YAE1: variants seen among roughly 807,000 people sequenced by gnomAD.
YAE1 encodes protein YAE1 homolog.
In YAE1, 22 loss-of-function variants were observed where a neutral mutation model predicts 23.0. The ratio of observed to expected loss-of-function variants is 0.96; its 90% CI spans 0.68 to 1.37. The LOEUF (loss-of-function observed/expected upper bound fraction) is 1.37. Among genes scored for constraint, YAE1 ranks in the 40% most tolerant of loss-of-function variants. The pLI is 0.00. For missense variants in YAE1, 260 were observed against 262.1 expected, an observed-to-expected ratio of 0.99 and a Z score of 0.06; for synonymous variants, 101 against 97.0, an observed-to-expected ratio of 1.04 and a Z score of -0.24.
intron 1 of YAE1, among the ~76,000 whole-genome samples, chr7:39,567,754 A>T (rs1279425910): frequency 6.6e-6 from 1 of 152,206 alleles, no homozygotes; most frequent in Non-Finnish European, 1.5e-5. Context: ...CCTTTAAAGA[A>T]AACTTGTACA....
chr7:39,610,214 T>A lies in YAE1; in HGVS notation c.*228T>A, dbSNP rs1051092891. The stretch of plus-strand genomic sequence containing the variant: ...AACTAGCAGAGCAATACGAGTCGTT[T>A]GTGAAATTCACACATGAGCAGATTA... On this transcript the variant is annotated 3_prime_UTR_variant, in exon 3 of 3. Coordinates refer to the YAE1 transcript ENST00000432096. The A allele has an allele frequency of 2.2e-4, 133 of 608,912 alleles. 1 individual carries two copies. The highest frequency in any genetic ancestry group is 7.4e-4 in the Middle Eastern group (2 of 2,704). The allele number at this position is 608,912 out of a possible 1,614,324, so 37.7% of individuals were successfully genotyped here.
In YAE1 at chr7:39,566,728, C is replaced by T. The variant is rs548271079; in HGVS notation, c.129+181C>T. 7.0e-6 allele frequency: 6 copies of T among 854,402 alleles called. 1 individual carries two copies. The South Asian group carries it at 1.1e-4, about 16-fold the overall frequency. 52.9% of individuals were successfully genotyped at this position (854,402 alleles called of 1,614,324 possible). ...GGTTACTTGAAAGCGTGTAAAACAA[C>T]AAGACGCATTCTTTGAGCGCCTACG... is the stretch of plus-strand genomic sequence containing the variant. On this transcript the variant is annotated intron_variant, in intron 1 of 2. Coordinates refer to ENST00000223273, the MANE Select transcript of YAE1 (RefSeq NM_020192.5).
chr7:39,598,173 G>A (rs766071116), intron 2 of YAE1, among the ~76,000 whole-genome samples: 1 of 151,826 alleles, frequency 6.6e-6, no homozygotes, highest in Admixed American at 6.6e-5. Context: ...ACAGTGGCAC[G>A]ATCTTAGCTC....
At chr7:39,595,165 G>T (rs1238455310) in intron 2 of YAE1, among the ~76,000 whole-genome samples, 3 of 151,854 alleles carry the variant, frequency 2.0e-5, no homozygotes, top group Non-Finnish European at 4.4e-5. Flanking sequence ...ACTTCTGCTT[G>T]TTCTGATTTA....
At chr7:39,596,289 A>G (rs60565944) in intron 2 of YAE1, among the ~76,000 whole-genome samples, 17,296 of 152,070 alleles carry the variant, frequency 0.11, 2,456 homozygotes, top group African/African-American at 0.33. Context: ...CCGCCTACCA[A>G]TTGAACCAAT....
At chr7:39,610,967 G>T (rs915366292), downstream of YAE1, among the ~76,000 whole-genome samples, 1 of 152,048 alleles carries the variant, frequency 6.6e-6, no homozygotes, top group Admixed American at 6.6e-5. Flanking sequence ...GGCCAACGTG[G>T]AGAAACCCTG....
chr7:39,603,011 A>C (rs1380870544), intron 2 of YAE1, among the ~76,000 whole-genome samples: 1 of 152,212 alleles, frequency 6.6e-6, no homozygotes, highest in Non-Finnish European at 1.5e-5. Flanking sequence ...GGCCTTCCAA[A>C]GTGCTGGGAT....
chr7:39,583,039 G>A (rs989076177), intron 2 of YAE1, among the ~76,000 whole-genome samples: 4 of 152,132 alleles, frequency 2.6e-5, no homozygotes, highest in Admixed American at 6.5e-5. Context: ...AACTTGCAGC[G>A]CAAAGCTATT....
chr7:39,569,472 A>G (rs1790531343), intron 1 of YAE1: 2 of 495,674 alleles, frequency 4.0e-6, no homozygotes, highest in Admixed American at 2.5e-5. Context: ...TTCTTCTGAA[A>G]CATCTTCTTT....
chr7:39,611,234 T>C (rs983244752), downstream of YAE1, among the ~76,000 whole-genome samples: 4 of 151,892 alleles, frequency 2.6e-5, no homozygotes, highest in African/African-American at 9.7e-5. Flanking sequence ...TACAAATACA[T>C]AGTGAGAAAT....
At chr7:39,601,384 A>C (rs940846830) in intron 2 of YAE1, among the ~76,000 whole-genome samples, 1 of 152,230 alleles carries the variant, frequency 6.6e-6, no homozygotes, top group Non-Finnish European at 1.5e-5. Context: ...TTTACAGGGC[A>C]GCTAACACAA....
intron 2 of YAE1, among the ~76,000 whole-genome samples, chr7:39,602,551 G>A (rs1448397216): frequency 6.6e-6 from 1 of 152,160 alleles, no homozygotes; most frequent in Non-Finnish European, 1.5e-5. Context: ...GAGCATTCTT[G>A]TCTATCATAG....
chr7:39,589,684 T>C (rs989143234), intron 2 of YAE1, among the ~76,000 whole-genome samples: 4 of 152,230 alleles, frequency 2.6e-5, no homozygotes, highest in African/African-American at 9.6e-5. Flanking sequence ...TGAGCTTTTG[T>C]GCTTTCCGTA....
intron 2 of YAE1, among the ~76,000 whole-genome samples, chr7:39,586,891 T>A (rs1790825997): frequency 6.6e-6 from 1 of 152,180 alleles, no homozygotes; most frequent in African/African-American, 2.4e-5. Context: ...ACAGATGAGA[T>A]GATAGACGTG....
chr7:39,588,050 C>T (rs538758688), intron 2 of YAE1, among the ~76,000 whole-genome samples: 1 of 152,280 alleles, frequency 6.6e-6, no homozygotes, highest in East Asian at 1.9e-4. Flanking sequence ...GCTCCCAACC[C>T]CTATATAGTT....
chr7:39,578,840 T>TA (rs1178549858), intron 2 of YAE1, among the ~76,000 whole-genome samples: 2 of 152,242 alleles, frequency 1.3e-5, no homozygotes, highest in Non-Finnish European at 2.9e-5. Context: ...GCTAAACAGT[T>TA]ACGTTAATAT....
chr7:39,570,998 A>G (rs936610007), intron 2 of YAE1: 1 of 163,804 alleles, frequency 6.1e-6, no homozygotes, highest in African/African-American at 2.4e-5. Flanking sequence ...AATTAAGATA[A>G]AATTGATTTA....
chr7:39,570,789 C>G (rs745497293), intron 2 of YAE1, 162 bp downstream of exon 2: 4 of 811,608 alleles, frequency 4.9e-6, no homozygotes, highest in Admixed American at 7.5e-5. Context: ...AAGTCAAAAT[C>G]TTTATCAGCT....
intron 2 of YAE1, among the ~76,000 whole-genome samples, chr7:39,597,714 C>T (rs565454930): frequency 2.6e-4 from 40 of 152,232 alleles, no homozygotes; most frequent in African/African-American, 8.9e-4. Flanking sequence ...AGATACGGCC[C>T]GAAAGTAGGA....
Sources: gnomAD v4.1 joint callset for allele counts (sites outside exome capture counted in the v4.1 genomes callset) on GRCh38, gnomAD v4.1.1 for gene constraint, MANE v1.5 for transcripts, NCBI Gene and HGNC (gene_info 2026-07-23, HGNC 2026-07-21) for gene names.